DAGLA: variants seen among roughly 807,000 people sequenced by gnomAD.
DAGLA encodes diacylglycerol lipase-alpha.
Under a neutral mutation model 102.6 loss-of-function variants are expected in DAGLA, and 22 were observed. That is an observed-to-expected ratio of 0.21 (90% CI 0.15 to 0.31). The LOEUF is 0.31. Among genes scored for constraint, DAGLA ranks in the 10% least tolerant of loss-of-function variants. DAGLA has a pLI of 1.00. For missense variants in DAGLA, 927 were observed against 1,446.6 expected (o/e 0.64, Z 5.83); for synonymous variants, 578 against 628.9 (o/e 0.92, Z 1.21).
chr11:61,723,849 G>A (rs956226902), intron 5 of DAGLA, among the ~76,000 whole-genome samples: 5 of 152,194 alleles, frequency 3.3e-5, no homozygotes, highest in African/African-American at 4.8e-5. Flanking sequence ...GTAAGTGCTC[G>A]GTTAATAGTA....
rs1189341329 is a variant in DAGLA at position 61,737,332 on chromosome 11, A to C, written c.1514+8A>C. ...GCCAGGGGGCCTGCTGAGGTGAGCC[A>C]TCTGGGGCTTCAGAGTTGGCTGGGG... On this transcript the variant is annotated splice_region_variant and intron_variant, in intron 14 of 19. Coordinates refer to ENST00000257215, the MANE Select transcript of DAGLA (RefSeq NM_006133.3). The C allele has an allele frequency of 6.2e-7, 1 of 1,609,520 alleles. No individual in the cohort carries two copies. The highest frequency in any genetic ancestry group is 1.3e-5 in the African/African-American group (1 of 74,940).
At chr11:61,727,255 T>G (rs1025565082) in intron 6 of DAGLA, among the ~76,000 whole-genome samples, 1 of 152,262 alleles carries the variant, frequency 6.6e-6, no homozygotes, top group African/African-American at 2.4e-5. Context: ...ACTTCTGTAT[T>G]TCTGAATCTG....
At chr11:61,740,120 C>T (rs1035506121) in intron 17 of DAGLA, among the ~76,000 whole-genome samples, 7 of 152,236 alleles carry the variant, frequency 4.6e-5, no homozygotes, top group African/African-American at 1.4e-4. Flanking sequence ...CCACTGTGCT[C>T]CTTCAGACGG....
chr11:61,715,507 T>C (rs2065229350), intron 1 of DAGLA, among the ~76,000 whole-genome samples: 1 of 152,094 alleles, frequency 6.6e-6, no homozygotes, highest in Non-Finnish European at 1.5e-5. Flanking sequence ...CTGCTGGGAG[T>C]CTTGCTGCCA....
intron 1 of DAGLA, among the ~76,000 whole-genome samples, chr11:61,698,323 G>A (rs545544896): frequency 6.6e-6 from 1 of 152,332 alleles, no homozygotes; most frequent in African/African-American, 2.4e-5. Context: ...TCTGCAAGTT[G>A]GCTGGGAGAC....
At chr11:61,700,195 T>G (rs1381993710) in intron 1 of DAGLA, among the ~76,000 whole-genome samples, 1 of 152,152 alleles carries the variant, frequency 6.6e-6, no homozygotes, top group Non-Finnish European at 1.5e-5. Flanking sequence ...TCCTGGGTTG[T>G]GGGGGTGACG....
intron 3 of DAGLA, 51 bp from the exon 4 acceptor site, chr11:61,722,808 C>T: frequency 1.3e-6 from 2 of 1,503,954 alleles, no homozygotes; most frequent in Non-Finnish European, 1.9e-6. Context: ...TAGGCCCTTC[C>T]CTGGCATGCA....
chr11:61,739,716 T>G (rs1591054372), intron 17 of DAGLA, 55 bp downstream of exon 17: 2 of 1,561,576 alleles, frequency 1.3e-6, no homozygotes, highest in Non-Finnish European at 1.7e-6. Context: ...GCAGGGGCAG[T>G]GGAGAGCAGG....
chr11:61,735,939 A>G lies in DAGLA; in HGVS notation c.1290+123A>G. ...GCTCACTGGAAGAGATTGGTCAGAG[A>G]GGCATGAATTAGTCTGGAAGGCCCG... On this transcript the variant is annotated intron_variant, in intron 12 of 19. Transcript: ENST00000257215. The G allele has an allele frequency of 7.2e-6, 7 of 975,034 alleles. No individual in the cohort carries two copies. The Admixed American group carries it at 1.5e-4, about 21-fold the overall frequency. 60.4% of individuals were successfully genotyped at this position (975,034 alleles called of 1,614,324 possible). A position where few individuals can be genotyped will look rare whatever the true frequency, so the allele number is the denominator to read the frequency against.
rs533407997 is a variant in DAGLA at position 61,720,040 on chromosome 11, G to C, written c.-44-72G>C. On this transcript the variant is annotated intron_variant, in intron 1 of 19. Coordinates refer to ENST00000257215, the MANE Select transcript of DAGLA (RefSeq NM_006133.3). ...GGCCACACCGGGGACTGGTCCCGTG[G>C]CCCAAGGAATGCAGTGGCCCTGGGT... is the stretch of plus-strand genomic sequence containing the variant. The C allele has an allele frequency of 2.5e-5, 26 of 1,056,948 alleles. 1 individual carries two copies. The South Asian group carries it at 3.4e-4, about 14-fold the overall frequency. 65.5% of individuals were successfully genotyped at this position (1,056,948 alleles called of 1,614,324 possible).
rs114643933 is a variant in DAGLA, at chr11:61,731,683, C to T, written c.974+242C>T. Among the ~76,000 whole-genome samples, 790 of 152,320 alleles carry T rather than the reference C, an allele frequency of 5.2e-3. 4 individuals carry two copies. The highest frequency in any genetic ancestry group is 0.017 in the African/African-American group (718 of 41,562). Reference sequence around the variant, plus strand: ...TTGCAGCCTGGGGCAAGTGGGTCCACCTCTCTGAGCCTCAGTTTCTTTATC... The same window carrying T: ...TTGCAGCCTGGGGCAAGTGGGTCCATCTCTCTGAGCCTCAGTTTCTTTATC... On this transcript the variant is annotated intron_variant, in intron 9 of 19. Coordinates refer to ENST00000257215, the MANE Select transcript of DAGLA (RefSeq NM_006133.3).
At chr11:61,706,029 C>G (rs1432170301) in intron 1 of DAGLA, among the ~76,000 whole-genome samples, 1 of 152,212 alleles carries the variant, frequency 6.6e-6, no homozygotes, top group Non-Finnish European at 1.5e-5. Flanking sequence ...AGGGCTCACT[C>G]AGAAGCGTGC....
At chr11:61,722,824 C>A in intron 3 of DAGLA, 35 bp from the exon 4 acceptor site, 1 of 1,564,674 alleles carries the variant, frequency 6.4e-7, no homozygotes, top group South Asian at 1.1e-5. Context: ...ATGCAAGTGG[C>A]AGCCATCCTT....
intron 1 of DAGLA, among the ~76,000 whole-genome samples, chr11:61,713,593 G>C (rs1336139341): frequency 6.6e-6 from 1 of 152,244 alleles, no homozygotes; most frequent in African/African-American, 2.4e-5. Context: ...TGCAGCCACA[G>C]TGAACAGCTG....
intron 1 of DAGLA, among the ~76,000 whole-genome samples, chr11:61,709,534 C>A (rs2065176645): frequency 6.6e-6 from 1 of 152,346 alleles, no homozygotes; most frequent in Admixed American, 6.5e-5. Context: ...TGAAGCCTGC[C>A]CACTATGGCC....
At chr11:61,683,047 C>A (rs1197761553) in intron 1 of DAGLA, among the ~76,000 whole-genome samples, 1 of 152,206 alleles carries the variant, frequency 6.6e-6, no homozygotes, top group East Asian at 1.9e-4. Context: ...TAATTCCCGA[C>A]AACAAGCTGC....
At chr11:61,728,825 C>T in intron 7 of DAGLA, 106 bp from the exon 8 acceptor site, 6 of 951,284 alleles carry the variant, frequency 6.3e-6, no homozygotes, top group Non-Finnish European at 1.0e-5. Flanking sequence ...GTTTGGGCTT[C>T]TCGGCCTTTG....
At position 61,734,233 on chromosome 11, in the gene DAGLA, G is replaced by A. The variant is rs544556404; in HGVS notation, c.975-616G>A. Among the ~76,000 whole-genome samples, 8 of 150,294 alleles carry A rather than the reference G, an allele frequency of 5.3e-5. No homozygotes were observed. The highest frequency in any genetic ancestry group is 3.9e-4 in the East Asian group (2 of 5,110). On this transcript the variant is annotated intron_variant, in intron 9 of 19. Transcript: ENST00000257215. The surrounding 1 kb of genome is among the most constrained non-coding windows in gnomAD (Gnocchi z 4.2). ...CTGAGTCTGAAGGGAAGCCGAGTAC[G>A]TGTACTGACCGAGTGGCATGGCCGT...
Position 61,743,639 on chromosome 11 carries a change from T to C in DAGLA, c.2279T>C (p.Leu760Pro). ...CAGGACCCGGTGGAGCTGCTGCTGC[T>C]GTCTACCCAGGAGCGGCTGGCGGCG... ...ARQDPVELLL[L>P]STQERLAAEL... is the part of the protein sequence containing the mutation. Residue 760 changes from leucine to proline, a missense_variant, in exon 20 of 20, where the codon CTG becomes CCG. Coordinates refer to ENST00000257215, the MANE Select transcript of DAGLA (RefSeq NM_006133.3). The C allele has an allele frequency of 6.3e-7, 1 of 1,598,694 alleles. No homozygotes were observed.
Sources: allele counts gnomAD v4.1 joint callset (sites outside exome capture counted in the v4.1 genomes callset), GRCh38; gene constraint gnomAD v4.1.1; non-coding constraint Gnocchi (gnomAD v3.1); transcripts MANE v1.5; gene names NCBI Gene and HGNC (gene_info 2026-07-23, HGNC 2026-07-21).